Variants in NOD1 observed in about 807,000 individuals in gnomAD.
NOD1 encodes the protein nucleotide binding oligomerization domain containing 1, also known as nucleotide-binding oligomerization domain-containing protein 1.
In NOD1, 70 loss-of-function variants were observed where a neutral mutation model predicts 81.2. The ratio of observed to expected loss-of-function variants is 0.86; its 90% CI spans 0.71 to 1.05. The LOEUF is 1.05. Ranked by LOEUF, NOD1 falls within the 50% of genes least tolerant of loss-of-function variation. The probability of loss-of-function intolerance (pLI) is 0.00; values close to 1 mark genes in which losing one functional copy is unlikely to be tolerated. For missense variants in NOD1, 1,233 were observed against 1,228.0 expected, an observed-to-expected ratio of 1.00 and a Z score of -0.06; for synonymous variants, 508 against 526.9, an observed-to-expected ratio of 0.96 and a Z score of 0.49.
intron 1 of NOD1, among the ~76,000 whole-genome samples, chr7:30,466,887 A>G (rs1421440466): frequency 6.6e-6 from 1 of 152,186 alleles, no homozygotes; most frequent in East Asian, 1.9e-4. Flanking sequence ...TAGGCAGGAC[A>G]TGCACCTTCT....
At chr7:30,437,874 G>A (rs1297716249) in intron 9 of NOD1, among the ~76,000 whole-genome samples, 1 of 152,222 alleles carries the variant, frequency 6.6e-6, no homozygotes, top group Non-Finnish European at 1.5e-5. Flanking sequence ...TCGAAGAGCA[G>A]GGGAAGCCTT....
intron 1 of NOD1, among the ~76,000 whole-genome samples, chr7:30,468,109 T>C (rs984639145): frequency 7.9e-5 from 12 of 152,118 alleles, no homozygotes; most frequent in African/African-American, 2.7e-4. Context: ...CCCACAAAAA[T>C]AGTACAGAGC....
rs150469478 is a variant in NOD1, at chr7:30,452,988, G to C, written c.429C>G (p.Phe143Leu). Reference protein sequence around the residue: ...LRHHLGRDSKFVLCYAQKEEL... With the variant: ...LRHHLGRDSKLVLCYAQKEEL... ...CCTCCTTCTGGGCATAGCACAGCAC[G>C]AACTTGGAGTCACGGCCCAGATGGT... The change falls in exon 6 of 14, where the codon TTC becomes TTG. Residue 143 changes from phenylalanine to leucine, a missense_variant. Coordinates refer to ENST00000222823, the MANE Select transcript of NOD1 (RefSeq NM_006092.4). 8 of 1,613,650 alleles carry C rather than the reference G, an allele frequency of 5.0e-6. No homozygotes were observed. The highest frequency in any genetic ancestry group is 6.8e-6 in the Non-Finnish European group (8 of 1,179,974).
rs1230870196 is a variant in NOD1 at position 30,467,573 on chromosome 7, G to A, written c.-351-7532C>T. 6.6e-6 allele frequency among the ~76,000 whole-genome samples: 1 copy of A among 152,176 alleles called. No individual in the cohort carries two copies. Among genetic ancestry groups the A allele is most frequent in the Non-Finnish European group, 1.5e-5 (1 of 68,040 alleles). ...GGTTCATTAAGACCAAACAAACTCA[G>A]ATGAGATGTTAAGACTTTCTGTGCA... On this transcript the variant is annotated intron_variant, in intron 1 of 13. Transcript: ENST00000222823. This position sits in a 1 kb window ranked among gnomAD's most constrained non-coding sequence, Gnocchi z 4.5.
Position 30,456,980 on chromosome 7 carries a change from C to T in NOD1, c.-59G>A. ...TCATCTTCAGCTGCGTGTGTCCTCT[C>T]AGCAGAAGGGCAATCAGGATTCAGG... On this transcript the variant is annotated 5_prime_UTR_variant, in exon 4 of 14. Transcript: ENST00000222823. 1 of 1,456,398 alleles carries T rather than the reference C, an allele frequency of 6.9e-7. No homozygotes were observed. The highest frequency in any genetic ancestry group is 9.6e-7 in the Non-Finnish European group (1 of 1,038,238). 90.2% of individuals were successfully genotyped at this position (1,456,398 alleles called of 1,614,324 possible).
At chr7:30,426,442 C>G (rs969981327) in intron 13 of NOD1, among the ~76,000 whole-genome samples, 1 of 151,578 alleles carries the variant, frequency 6.6e-6, no homozygotes, top group African/African-American at 2.4e-5. Flanking sequence ...CCTGGAACCT[C>G]TATGTCTTTG....
At chr7:30,470,397 C>T (rs1426545200) in intron 1 of NOD1, among the ~76,000 whole-genome samples, 10 of 152,146 alleles carry the variant, frequency 6.6e-5, no homozygotes, top group African/African-American at 1.9e-4. Flanking sequence ...GGTGAGTCAC[C>T]GTATCTCCAG....
chr7:30,476,244 CA>C (rs1387326537), intron 1 of NOD1, among the ~76,000 whole-genome samples: 3 of 152,166 alleles, frequency 2.0e-5, no homozygotes, highest in African/African-American at 7.2e-5. Context: ...CTTGTGTAAG[CA>C]AATATCAGTG....
In NOD1 at chr7:30,456,705, C is replaced by A. The variant is rs1583798170; in HGVS notation, c.201+16G>T. 3.1e-6 allele frequency: 5 copies of A among 1,612,534 alleles called. No individual in the cohort carries two copies. In the East Asian group the frequency reaches 1.1e-4, roughly 36 times the overall value. On this transcript the variant is annotated intron_variant, in intron 4 of 13. Coordinates refer to ENST00000222823, the MANE Select transcript of NOD1 (RefSeq NM_006092.4). ...GGGTCCACACAATGCCATGCCCGTCCCTGTCCCCGGGGCACCTTGTCAGGC... is the reference window on the plus strand; with the variant it reads ...GGGTCCACACAATGCCATGCCCGTCACTGTCCCCGGGGCACCTTGTCAGGC...
intron 1 of NOD1, among the ~76,000 whole-genome samples, chr7:30,473,168 C>T (rs1203568638): frequency 6.6e-6 from 1 of 152,212 alleles, no homozygotes; most frequent in Non-Finnish European, 1.5e-5. Context: ...CCACACCTCA[C>T]TCAACTGAGA....
Position 30,452,917 on chromosome 7 carries a change from A to G in NOD1, c.500T>C (p.Val167Ala), listed in dbSNP as rs1395509506. ...EIYMDTIMEL[V>A]GFSNESLGSL... Reference sequence around the variant, plus strand: ...GCCCAGGCTCTCATTGCTGAAGCCAACCAGCTCCATGATGGTGTCCATGTA... The same window carrying G: ...GCCCAGGCTCTCATTGCTGAAGCCAGCCAGCTCCATGATGGTGTCCATGTA... The change falls in exon 6 of 14, where the codon GTT (valine) becomes GCT (alanine). Residue 167 changes from valine to alanine, a missense_variant. By Grantham distance (64) the Val-to-Ala change is moderately conservative. Transcript: ENST00000222823. 1.9e-6 allele frequency: 3 copies of G among 1,614,030 alleles called. No individual in the cohort carries two copies. Among genetic ancestry groups the G allele is most frequent in the Non-Finnish European group, 1.7e-6 (2 of 1,180,026 alleles).
At chr7:30,464,554 T>A (rs138167133) in intron 1 of NOD1, among the ~76,000 whole-genome samples, 1 of 152,176 alleles carries the variant, frequency 6.6e-6, no homozygotes, top group East Asian at 1.9e-4. Context: ...CAGGACAACA[T>A]AAGGGTGAAA....
At position 30,451,369 on chromosome 7, in the gene NOD1, G is replaced by A; in HGVS notation, c.2048C>T (p.Thr683Ile). 6.2e-7 allele frequency: 1 copy of A among 1,614,206 alleles called. No individual in the cohort carries two copies. The highest frequency in any genetic ancestry group is 8.5e-7 in the Non-Finnish European group (1 of 1,180,046). ...GTCGGCCGAGCAGGCGTTGCAGTAG[G>A]TCAGCTTGAGGTAGTTGGCGCAGAT... ...RGICANYLKL[T>I]YCNACSADCS... is the part of the protein sequence containing the mutation. The change falls in exon 6 of 14, where the codon ACC (threonine) becomes ATC (isoleucine). Residue 683 changes from threonine to isoleucine, a missense_variant. Physicochemically the swap from Thr to Ile is moderately conservative, Grantham distance 89. Coordinates refer to ENST00000222823, the MANE Select transcript of NOD1 (RefSeq NM_006092.4). This position sits in a 1 kb window ranked among gnomAD's most constrained non-coding sequence, Gnocchi z 4.2.
At position 30,452,266 on chromosome 7, in the gene NOD1, A is replaced by G; in HGVS notation, c.1151T>C (p.Leu384Pro). 1 of 1,613,488 alleles carries G rather than the reference A, an allele frequency of 6.2e-7. No homozygotes were observed. Among genetic ancestry groups the G allele is most frequent in the Non-Finnish European group, 8.5e-7 (1 of 1,179,854 alleles). ...GAGGGGCACAGAGCACAGGCTGCAGAGGTTGGGGTTGGCCTCCAGCTGGCT... is the reference window on the plus strand; with the variant it reads ...GAGGGGCACAGAGCACAGGCTGCAGGGGTTGGGGTTGGCCTCCAGCTGGCT... The part of the protein sequence containing the change: ...LLSQLEANPN[L>P]CSLCSVPLFC... Residue 384 changes from leucine to proline, a missense_variant, in exon 6 of 14, where the codon CTC becomes CCC. Leu to Pro is a moderately conservative substitution (Grantham distance 98, BLOSUM62 -3). Coordinates refer to ENST00000222823, the MANE Select transcript of NOD1 (RefSeq NM_006092.4).
chr7:30,454,245 G>T (rs1190748583), intron 5 of NOD1, among the ~76,000 whole-genome samples: 1 of 152,228 alleles, frequency 6.6e-6, no homozygotes, highest in Non-Finnish European at 1.5e-5. Flanking sequence ...CTTGGTGCTG[G>T]TATGTTACCA....
chr7:30,459,998 A>G lies in NOD1; in HGVS notation c.-308T>C, dbSNP rs940448235. Reference sequence around the variant, plus strand: ...GCCGCCACAATCTCCACCTCTTGCCATCAAAGGCAGAAACCGAAGGAAAGT... The same window carrying G: ...GCCGCCACAATCTCCACCTCTTGCCGTCAAAGGCAGAAACCGAAGGAAAGT... On this transcript the variant is annotated 5_prime_UTR_variant, in exon 2 of 14. An upstream start codon of the reference 5' UTR is lost. Coordinates refer to ENST00000222823, the MANE Select transcript of NOD1 (RefSeq NM_006092.4). 7.8e-5 allele frequency: 12 copies of G among 154,274 alleles called. No individual in the cohort carries two copies. Among genetic ancestry groups the G allele is most frequent in the African/African-American group, 2.7e-4 (11 of 41,484 alleles). 9.6% of individuals were successfully genotyped at this position (154,274 alleles called of 1,614,324 possible).
chr7:30,448,363 G>A lies in NOD1; in HGVS notation c.2220C>T (p.Ile740=). 1 of 1,614,136 alleles carries A rather than the reference G, an allele frequency of 6.2e-7. No homozygotes were observed. Among genetic ancestry groups the A allele is most frequent in the South Asian group, 1.1e-5 (1 of 91,086 alleles). The change falls in exon 7 of 14, where the codon ATC becomes ATT. Residue 740 remains isoleucine, a synonymous_variant. Transcript: ENST00000222823. ...TTAGCACCTTTACCCCACCGTCAGT[G>A]ATCTGGTTTACGCTGAGTCTGAAAT... ...LTVLRLSVNQ[I]TDGGVKVLSE...
chr7:30,429,360 C>A lies in NOD1; in HGVS notation c.2789+14G>T. The A allele has an allele frequency of 6.2e-7, 1 of 1,609,172 alleles. No homozygotes were observed. Among genetic ancestry groups the A allele is most frequent in the Non-Finnish European group, 8.5e-7 (1 of 1,175,412 alleles). ...TCACTGGTGTTATTACTGTGACAAACGCTGGGATCTTACCAAATCTCTGTT... is the reference window on the plus strand; with the variant it reads ...TCACTGGTGTTATTACTGTGACAAAAGCTGGGATCTTACCAAATCTCTGTT... On this transcript the variant is annotated intron_variant, in intron 13 of 13. Transcript: ENST00000222823.
intron 1 of NOD1, among the ~76,000 whole-genome samples, chr7:30,470,908 A>G (rs934180438): frequency 6.6e-6 from 1 of 152,162 alleles, no homozygotes; most frequent in Non-Finnish European, 1.5e-5. Context: ...AAAGTGCCAC[A>G]GAAGTGGCCG....
Sources: allele counts gnomAD v4.1 joint callset (sites outside exome capture counted in the v4.1 genomes callset), GRCh38; gene constraint gnomAD v4.1.1; non-coding constraint Gnocchi (gnomAD v3.1); transcripts MANE v1.5; gene names NCBI Gene and HGNC (gene_info 2026-07-23, HGNC 2026-07-21).